CERS6: variants seen among roughly 807,000 people sequenced by gnomAD.
CERS6 encodes the protein ceramide synthase 6.
Under a neutral mutation model 56.8 loss-of-function variants are expected in CERS6, and 26 were observed. The ratio of observed to expected loss-of-function variants is 0.46; its 90% CI spans 0.34 to 0.63. CERS6 has a LOEUF of 0.63. Ranked by LOEUF, CERS6 falls within the 30% of genes least tolerant of loss-of-function variation. The pLI is 0.01. For missense variants in CERS6, 415 were observed against 467.5 expected (o/e 0.89, Z 1.04); for synonymous variants, 164 against 173.3 (o/e 0.95, Z 0.42).
intron 4 of CERS6, among the ~76,000 whole-genome samples, chr2:168,634,227 T>A (rs1405930100): frequency 6.6e-6 from 1 of 152,254 alleles, no homozygotes; most frequent in East Asian, 1.9e-4. Flanking sequence ...CTATAATTGC[T>A]GTATATAAGA....
chr2:168,487,420 TAGAG>T (rs1272234428), intron 1 of CERS6, among the ~76,000 whole-genome samples: 2 of 152,206 alleles, frequency 1.3e-5, no homozygotes, highest in African/African-American at 4.8e-5. Context: ...TGCAATTTCA[TAGAG>T]AGAATATTTG....
chr2:168,505,622 A>G (rs1694663886), intron 1 of CERS6, among the ~76,000 whole-genome samples: 1 of 152,104 alleles, frequency 6.6e-6, no homozygotes, highest in Non-Finnish European at 1.5e-5. Context: ...AGTTGGAGTT[A>G]AGTACTGAAA....
intron 4 of CERS6, among the ~76,000 whole-genome samples, chr2:168,656,338 T>A (rs1255354499): frequency 6.6e-6 from 1 of 152,194 alleles, no homozygotes; most frequent in Non-Finnish European, 1.5e-5. Context: ...GTATGTGATA[T>A]TGTGTCCGGA....
intron 4 of CERS6, among the ~76,000 whole-genome samples, chr2:168,690,160 G>A (rs1345040079): frequency 1.3e-5 from 2 of 152,132 alleles, no homozygotes; most frequent in Non-Finnish European, 2.9e-5. Flanking sequence ...CTATGATACA[G>A]GGCTGATGAA....
intron 4 of CERS6, among the ~76,000 whole-genome samples, chr2:168,651,652 T>A (rs1685343164): frequency 6.6e-6 from 1 of 152,078 alleles, no homozygotes; most frequent in South Asian, 2.1e-4. Context: ...TTTTGAAGCA[T>A]CAGATCTCAT....
rs373692836 is a variant in CERS6 at position 168,670,976 on chromosome 2, C to G, written c.466-20058C>G. ...TGCTGGATACATGCTTCCCCCCCCC[C>G]CCCCAGACGGAAGCTTGCTCTGTTG... On this transcript the variant is annotated intron_variant, in intron 4 of 9. Transcript: ENST00000305747. 1.4e-3 allele frequency among the ~76,000 whole-genome samples: 106 copies of G among 75,940 alleles called. 5 individuals carry two copies. The highest frequency in any genetic ancestry group is 2.9e-3 in the African/African-American group (86 of 29,952). 49.8% of individuals were successfully genotyped at this position (75,940 alleles called of 152,430 possible). A position where few individuals can be genotyped will look rare whatever the true frequency, so the allele number is the denominator to read the frequency against.
At chr2:168,725,954 A>T (rs1184494347) in intron 8 of CERS6, among the ~76,000 whole-genome samples, 1 of 152,188 alleles carries the variant, frequency 6.6e-6, no homozygotes, top group Admixed American at 6.5e-5. Context: ...ATTTTCATTG[A>T]TCTGCATCTC....
In CERS6 at chr2:168,714,237, C is replaced by T. The variant is rs1342783709; in HGVS notation, c.610-764C>T. 2.0e-5 allele frequency among the ~76,000 whole-genome samples: 3 copies of T among 152,192 alleles called. No individual in the cohort carries two copies. The East Asian group carries it at 5.8e-4, about 29-fold the overall frequency. On this transcript the variant is annotated intron_variant, in intron 6 of 9. Coordinates refer to ENST00000305747, the MANE Select transcript of CERS6 (RefSeq NM_203463.3). ...CAAATACCCCACCTCCTAATATTAT[C>T]GCCTTGAGCATTAAGATTTTAACAT... is the stretch of plus-strand genomic sequence containing the variant.
intron 1 of CERS6, among the ~76,000 whole-genome samples, chr2:168,506,039 C>T (rs917966588): frequency 5.9e-5 from 9 of 152,146 alleles, no homozygotes; most frequent in Non-Finnish European, 1.2e-4. Context: ...TGAATGTCCT[C>T]GCTGCCTGAA....
chr2:168,728,330 T>TTGGAA (rs10640919), intron 8 of CERS6, among the ~76,000 whole-genome samples: 9,485 of 151,064 alleles, frequency 0.063, 606 homozygotes, highest in African/African-American at 0.15. Flanking sequence ...ACATTCAGAC[T>TTGGAA]TGGAATAGTC....
At chr2:168,672,857 G>A (rs78212947) in intron 4 of CERS6, among the ~76,000 whole-genome samples, 4,656 of 152,224 alleles carry the variant, frequency 0.031, 177 homozygotes, top group African/African-American at 0.086. Context: ...GAGAAGCTGG[G>A]AAAACAGCAA....
chr2:168,604,064 A>C (rs1192895684), intron 3 of CERS6, among the ~76,000 whole-genome samples: 1 of 152,244 alleles, frequency 6.6e-6, no homozygotes, highest in Non-Finnish European at 1.5e-5. Flanking sequence ...AAAACGTGTT[A>C]GAAGGAAAAA....
At chr2:168,713,498 T>C (rs1687146098) in intron 6 of CERS6, among the ~76,000 whole-genome samples, 1 of 152,276 alleles carries the variant, frequency 6.6e-6, no homozygotes, top group South Asian at 2.1e-4. Context: ...AGAGACACTA[T>C]ATTTCTAAGC....
rs1458293392 is a variant in CERS6, at chr2:168,697,579, A to T, written c.609+2528A>T. 2.1e-5 allele frequency among the ~76,000 whole-genome samples: 3 copies of T among 145,038 alleles called. No homozygotes were observed. In the East Asian group the frequency reaches 6.0e-4, roughly 29 times the overall value. On this transcript the variant is annotated intron_variant, in intron 6 of 9. Transcript: ENST00000305747. ...TTTTTTTTTTTTTTTAACTTGGGAG[A>T]ATTGATGCACAGAGTGAGTTTATGT...
Position 168,547,636 on chromosome 2 carries a change from G to T in CERS6, c.211G>T (p.Ala71Ser). Reference sequence around the variant, plus strand: ...GTGCGCCATAGCCCTCAACATTCAGGCCAATGGACCACAAATTGCTCCGCC... The same window carrying T: ...GTGCGCCATAGCCCTCAACATTCAGTCCAATGGACCACAAATTGCTCCGCC... ...KPCAIALNIQ[A>S]NGPQIAPPNA... Residue 71 changes from alanine (A) to serine (S), a missense_variant, in exon 2 of 10, where the codon GCC (alanine) becomes TCC (serine). Coordinates refer to ENST00000305747, the MANE Select transcript of CERS6 (RefSeq NM_203463.3). 1 of 1,613,984 alleles carries T rather than the reference G, an allele frequency of 6.2e-7. No individual in the cohort carries two copies. Among genetic ancestry groups the T allele is most frequent in the Non-Finnish European group, 8.5e-7 (1 of 1,179,894 alleles).
chr2:168,540,690 C>T (rs924701367), intron 1 of CERS6, among the ~76,000 whole-genome samples: 1 of 152,188 alleles, frequency 6.6e-6, no homozygotes, highest in Non-Finnish European at 1.5e-5. Flanking sequence ...GATGTTATTG[C>T]ACTGTCGTTG....
chr2:168,649,076 T>C (rs1270230960), intron 4 of CERS6, among the ~76,000 whole-genome samples: 1 of 152,204 alleles, frequency 6.6e-6, no homozygotes, highest in East Asian at 1.9e-4. Flanking sequence ...TTTAGTTGTA[T>C]GGTACTTAGG....
Position 168,658,087 on chromosome 2 carries a change from T to A in CERS6, c.465+27045T>A, listed in dbSNP as rs144268004. 4.2e-3 allele frequency among the ~76,000 whole-genome samples: 634 copies of A among 152,322 alleles called. 3 individuals carry two copies. Among genetic ancestry groups the A allele is most frequent in the Middle Eastern group, 0.02 (6 of 294 alleles). ...TCTTGGTTCTGTTGTTTACTAGATG[T>A]GTGACGTGTTGCAAATTACCTAAAC... On this transcript the variant is annotated intron_variant, in intron 4 of 9. Transcript: ENST00000305747.
At chr2:168,596,762 G>A (rs1461718144) in intron 3 of CERS6, among the ~76,000 whole-genome samples, 1 of 152,002 alleles carries the variant, frequency 6.6e-6, no homozygotes, top group Non-Finnish European at 1.5e-5. Context: ...CACCATGTTG[G>A]CCAGGCTGAT....
Sources: allele counts gnomAD v4.1 joint callset (sites outside exome capture counted in the v4.1 genomes callset), GRCh38; gene constraint gnomAD v4.1.1; transcripts MANE v1.5; gene names NCBI Gene and HGNC (gene_info 2026-07-23, HGNC 2026-07-21).